The following NEU3 variants were observed in gnomAD, a reference collection of about 807,000 sequenced individuals.
NEU3 encodes the protein neuraminidase 3.
NEU3 carries 10 observed loss-of-function variants against 11.4 expected under a neutral mutation model. The observed-to-expected ratio is 0.88, with a 90% CI of 0.54 to 1.49. The LOEUF (loss-of-function observed/expected upper bound fraction) is 1.49, where lower values mean the gene tolerates loss of function less well. NEU3 is among the 40% of genes most tolerant of loss of function. The pLI is 0.00. For synonymous variants in NEU3, 212 were observed against 228.2 expected (o/e 0.93, Z 0.64); for missense variants, 529 against 581.8 (o/e 0.91, Z 0.93).
rs756157050 is a variant in NEU3 at position 75,005,751 on chromosome 11, C to T, written c.645C>T (p.Tyr215=). Reference sequence around the variant, plus strand: ...TGGTCATCCCTGCGTATACCTACTACATCCCTTCCTGGTTCTTTTGCTTCC... The same window carrying T: ...TGGTCATCCCTGCGTATACCTACTATATCCCTTCCTGGTTCTTTTGCTTCC... ...GRLVIPAYTY[Y]IPSWFFCFQL... The change falls in exon 3 of 3, where the codon TAC becomes TAT. Residue 215 remains tyrosine, a synonymous_variant. Coordinates refer to ENST00000294064, the MANE Select transcript of NEU3 (RefSeq NM_006656.6). The T allele has an allele frequency of 3.1e-6, 5 of 1,613,902 alleles. No individual in the cohort carries two copies. Among genetic ancestry groups the T allele is most frequent in the African/African-American group, 1.3e-5 (1 of 75,052 alleles).
chr11:74,997,169 CA>C (rs1298316135), intron 2 of NEU3, among the ~76,000 whole-genome samples: 1 of 152,248 alleles, frequency 6.6e-6, no homozygotes, highest in Non-Finnish European at 1.5e-5. Flanking sequence ...GTTTTGTCTA[CA>C]GGGAAAATCT....
At chr11:74,998,927 G>C (rs1274466752) in intron 2 of NEU3, among the ~76,000 whole-genome samples, 3 of 152,198 alleles carry the variant, frequency 2.0e-5, no homozygotes, top group Non-Finnish European at 2.9e-5. Flanking sequence ...AGCATTGCCT[G>C]TGGTCATCGT....
chr11:75,013,141 C>T (rs1209974609), downstream of NEU3, among the ~76,000 whole-genome samples: 1 of 152,194 alleles, frequency 6.6e-6, no homozygotes, highest in Non-Finnish European at 1.5e-5. Context: ...AGGTCCTTGT[C>T]CTAGAGCTTG....
chr11:74,998,286 G>A (rs1948812703), intron 2 of NEU3, among the ~76,000 whole-genome samples: 1 of 152,198 alleles, frequency 6.6e-6, no homozygotes, highest in Non-Finnish European at 1.5e-5. Flanking sequence ...TTGAGATATT[G>A]TGAGAATTAA....
At chr11:75,014,300 C>T (rs1475674539), downstream of NEU3, among the ~76,000 whole-genome samples, 6 of 152,186 alleles carry the variant, frequency 3.9e-5, no homozygotes, top group Non-Finnish European at 8.8e-5. Context: ...GTGCCAGAGG[C>T]CTCAGACACG....
intron 2 of NEU3, 83 bp downstream of exon 2, chr11:74,994,803 C>T: frequency 7.7e-7 from 1 of 1,294,468 alleles, no homozygotes; most frequent in Non-Finnish European, 1.1e-6. Flanking sequence ...TGCCTTTTCT[C>T]ATCAGTACAG....
chr11:75,017,332 G>A (rs1054308649), intron 3 of NEU3, among the ~76,000 whole-genome samples: 22 of 152,264 alleles, frequency 1.4e-4, no homozygotes, highest in African/African-American at 5.3e-4. Flanking sequence ...AGGTGCTGAG[G>A]CTGATCCCAC....
chr11:75,013,861 CCT>C (rs1190550325), downstream of NEU3, among the ~76,000 whole-genome samples: 3 of 152,116 alleles, frequency 2.0e-5, no homozygotes, highest in Non-Finnish European at 4.4e-5. Flanking sequence ...GTGACAAAAA[CCT>C]CTGTTTTTGT....
upstream of NEU3, among the ~76,000 whole-genome samples, chr11:74,987,002 G>A (rs771626909): frequency 1.3e-5 from 2 of 152,200 alleles, no homozygotes; most frequent in African/African-American, 4.8e-5. Context: ...GGGAAAGTAG[G>A]AAGGGAAGAA....
In NEU3 at chr11:75,006,370, G is replaced by A. The variant is rs773502260; in HGVS notation, c.1264G>A (p.Gly422Arg). Reference sequence around the variant, plus strand: ...CTTGTTTGGGTGTTTGTTTGAATGTGGGACCAAGCAAGAGTGTGAGCAGAT... The same window carrying A: ...CTTGTTTGGGTGTTTGTTTGAATGTAGGACCAAGCAAGAGTGTGAGCAGAT... ...EGLFGCLFEC[G>R]TKQECEQIAF... Residue 422 changes from glycine (G) to arginine (R), a missense_variant, in exon 3 of 3, where the codon GGG (glycine) becomes AGG (arginine). Physicochemically the swap from Gly to Arg is moderately radical, Grantham distance 125. Coordinates refer to ENST00000294064, the MANE Select transcript of NEU3 (RefSeq NM_006656.6). 24 of 1,613,866 alleles carry A rather than the reference G, an allele frequency of 1.5e-5. No individual in the cohort carries two copies. The highest frequency in any genetic ancestry group is 2.0e-5 in the Non-Finnish European group (24 of 1,179,904).
chr11:75,000,931 G>A (rs1948837963), intron 2 of NEU3, among the ~76,000 whole-genome samples: 1 of 152,010 alleles, frequency 6.6e-6, no homozygotes, highest in African/African-American at 2.4e-5. Flanking sequence ...ATAAGGGTGT[G>A]AAAATATCTC....
At position 75,009,958 on chromosome 11, in the gene NEU3, C is replaced by G; in HGVS notation, c.*3466C>G. On this transcript the variant is annotated 3_prime_UTR_variant, in exon 3 of 3. Coordinates refer to ENST00000294064, the MANE Select transcript of NEU3 (RefSeq NM_006656.6). ...GGTAGCCCAGAGGACCCACAAAGGT[C>G]AACCTGAGTCTCCACAGCCTCCTCC... 6.6e-6 allele frequency: 1 copy of G among 152,256 alleles called. No homozygotes were observed. Among genetic ancestry groups the G allele is most frequent in the South Asian group, 2.1e-4 (1 of 4,826 alleles). 9.4% of individuals were successfully genotyped at this position (152,256 alleles called of 1,614,324 possible).
At chr11:74,987,654 A>G (rs1168562160), upstream of NEU3, among the ~76,000 whole-genome samples, 1 of 152,022 alleles carries the variant, frequency 6.6e-6, no homozygotes, top group South Asian at 2.1e-4. Context: ...TCTATAAAAA[A>G]TACAAAAAAT....
At chr11:74,991,130 A>G (rs1948727714) in intron 1 of NEU3, among the ~76,000 whole-genome samples, 1 of 152,198 alleles carries the variant, frequency 6.6e-6, no homozygotes, top group African/African-American at 2.4e-5. Context: ...TCCAAATCCT[A>G]TGTTCTTAAC....
chr11:74,985,722 G>A (rs554991014), upstream of NEU3, among the ~76,000 whole-genome samples: 1 of 152,310 alleles, frequency 6.6e-6, no homozygotes, highest in South Asian at 2.1e-4. Flanking sequence ...GCTTCCTTAT[G>A]CTCTTCCTCC....
Position 75,007,396 on chromosome 11 carries a change from T to C in NEU3, c.*904T>C, listed in dbSNP as rs1165909723. 1 of 152,190 alleles carries C rather than the reference T, an allele frequency of 6.6e-6. No homozygotes were observed. Among genetic ancestry groups the C allele is most frequent in the Non-Finnish European group, 1.5e-5 (1 of 68,050 alleles). The allele number at this position is 152,190 out of a possible 1,614,324, so 9.4% of individuals were successfully genotyped here. A position where few individuals can be genotyped will look rare whatever the true frequency, so the allele number is the denominator to read the frequency against. ...GAGCGAGAAAATTCAAGAAAATAAA[T>C]GTAGCTGGTGGGAGACTTTGTAGAT... On this transcript the variant is annotated 3_prime_UTR_variant, in exon 3 of 3. Transcript: ENST00000294064.
chr11:74,996,006 T>A (rs182852258), intron 2 of NEU3, among the ~76,000 whole-genome samples: 1 of 151,856 alleles, frequency 6.6e-6, no homozygotes, highest in African/African-American at 2.4e-5. Context: ...ATAAAAAACA[T>A]TGGGTGGGTT....
chr11:74,989,103 C>T lies in NEU3; in HGVS notation c.43C>T (p.Pro15Ser). ...GCCCCCGCGCCCCATGGAAGAATCC[C>T]CGGCGTCCAGCTCTGCCCCGACAGA... Reference protein sequence around the residue: ...DLPPRPMEESPASSSAPTETE... With the variant: ...DLPPRPMEESSASSSAPTETE... Residue 15 changes from proline to serine, a missense_variant, in exon 1 of 3, where the codon CCG becomes TCG. Physicochemically the swap from Pro to Ser is moderately conservative, Grantham distance 74 (BLOSUM62 -1). Transcript: ENST00000294064. 6.4e-7 allele frequency: 1 copy of T among 1,550,974 alleles called. No individual in the cohort carries two copies.
chr11:74,985,083 C>T (rs1399669011), upstream of NEU3, among the ~76,000 whole-genome samples: 1 of 152,114 alleles, frequency 6.6e-6, no homozygotes, highest in Non-Finnish European at 1.5e-5. Flanking sequence ...CTGAGTTTAC[C>T]TCAAAGAATT....
Sources: allele counts gnomAD v4.1 joint callset (sites outside exome capture counted in the v4.1 genomes callset), GRCh38; gene constraint gnomAD v4.1.1; transcripts MANE v1.5; gene names NCBI Gene and HGNC (gene_info 2026-07-23, HGNC 2026-07-21).